Variants in RASAL2 observed in about 807,000 individuals in gnomAD.
RASAL2 encodes the protein ras GTPase-activating protein nGAP.
In RASAL2, 58 loss-of-function variants were observed where a neutral mutation model predicts 128.9. That is an observed-to-expected ratio of 0.45 (90% CI 0.36 to 0.56). The LOEUF is 0.56. Among genes scored for constraint, RASAL2 ranks in the 20% least tolerant of loss-of-function variants. The pLI is 0.00. For synonymous variants in RASAL2, 561 were observed against 580.8 expected, an observed-to-expected ratio of 0.97 and a Z score of 0.49; for missense variants, 1,360 against 1,601.6, an observed-to-expected ratio of 0.85 and a Z score of 2.57.
chr1:178,328,745 C>G (rs1440608274), intron 3 of RASAL2, among the ~76,000 whole-genome samples: 1 of 152,080 alleles, frequency 6.6e-6, no homozygotes, highest in Non-Finnish European at 1.5e-5. Context: ...AGTACTGATG[C>G]CAAATAAGTG....
chr1:178,428,687 T>C (rs970547150), intron 5 of RASAL2, among the ~76,000 whole-genome samples: 35 of 152,000 alleles, frequency 2.3e-4, no homozygotes, highest in Non-Finnish European at 3.7e-4. Context: ...ACTCCTGGGC[T>C]CAAGTAATCC....
intron 1 of RASAL2, among the ~76,000 whole-genome samples, chr1:178,102,774 CTCTT>C (rs1658951786): frequency 6.6e-6 from 1 of 152,108 alleles, no homozygotes; most frequent in African/African-American, 2.4e-5. Context: ...CATGAGCTCT[CTCTT>C]ACTCTTCCTC....
intron 1 of RASAL2, among the ~76,000 whole-genome samples, chr1:178,131,862 A>G (rs2102305598): frequency 6.6e-6 from 1 of 152,326 alleles, no homozygotes; most frequent in Admixed American, 6.5e-5. Context: ...TATAAAAGTA[A>G]CAATTACATG....
At chr1:178,137,090 T>TA (rs1324923498) in intron 1 of RASAL2, among the ~76,000 whole-genome samples, 1 of 152,238 alleles carries the variant, frequency 6.6e-6, no homozygotes, top group Non-Finnish European at 1.5e-5. Flanking sequence ...ACAAGGGCTA[T>TA]AATTCTGCTT....
chr1:178,428,582 T>G (rs917690001), intron 5 of RASAL2, among the ~76,000 whole-genome samples: 1 of 151,608 alleles, frequency 6.6e-6, no homozygotes, highest in African/African-American at 2.4e-5. Context: ...ATTCTACATA[T>G]ATATTGAATA....
At chr1:178,106,448 G>C (rs1468782445) in intron 1 of RASAL2, among the ~76,000 whole-genome samples, 1 of 152,170 alleles carries the variant, frequency 6.6e-6, no homozygotes, top group Non-Finnish European at 1.5e-5. Flanking sequence ...TTCCTATTTT[G>C]AAATGGCTGC....
At chr1:178,419,578 C>T (rs540383516) in intron 4 of RASAL2, among the ~76,000 whole-genome samples, 8 of 152,240 alleles carry the variant, frequency 5.3e-5, no homozygotes, top group South Asian at 4.1e-4. Flanking sequence ...CATGAGCTAC[C>T]GTGTCTGACT....
chr1:178,265,274 G>C (rs12034044), intron 1 of RASAL2, among the ~76,000 whole-genome samples: 3 of 151,596 alleles, frequency 2.0e-5, no homozygotes, highest in Non-Finnish European at 4.4e-5. Context: ...TTTGGTTTTT[G>C]TTGAGACAGA....
At chr1:178,104,265 A>T (rs1659010911) in intron 1 of RASAL2, among the ~76,000 whole-genome samples, 1 of 152,092 alleles carries the variant, frequency 6.6e-6, no homozygotes, top group African/African-American at 2.4e-5. Context: ...AGACTTCTTT[A>T]TTCTATACAA....
chr1:178,094,602 T>A lies in RASAL2; in HGVS notation c.110T>A (p.Val37Asp). The stretch of plus-strand genomic sequence containing the variant: ...CTGCCCCCGGAGGACCTGGACGCGG[T>A]TGTCCCAGTCAGTGGAGCCGTCGCC... ...SPLPPEDLDA[V>D]VPVSGAVAGG... The change falls in exon 1 of 18, where the codon GTT becomes GAT. Residue 37 changes from valine to aspartate, a missense_variant. This residue lies in a region of RASAL2 where 617 missense variants were observed against 714.2 expected (regional missense o/e 0.86). Coordinates refer to ENST00000367649, the MANE Select transcript of RASAL2 (RefSeq NM_170692.4). 6.2e-7 allele frequency: 1 copy of A among 1,612,438 alleles called. No individual in the cohort carries two copies. The highest frequency in any genetic ancestry group is 8.5e-7 in the Non-Finnish European group (1 of 1,179,440).
chr1:178,261,398 C>CA (rs1665687608), intron 1 of RASAL2, among the ~76,000 whole-genome samples: 1 of 152,144 alleles, frequency 6.6e-6, no homozygotes. Context: ...TAAAGACATA[C>CA]AACCTTTTTG....
chr1:178,217,632 T>C (rs988296814), intron 1 of RASAL2, among the ~76,000 whole-genome samples: 4 of 152,224 alleles, frequency 2.6e-5, no homozygotes, highest in African/African-American at 9.6e-5. Flanking sequence ...TTGTGCATTA[T>C]GTCTAAAAAA....
rs1399730416 is a variant in RASAL2 at position 178,457,623 on chromosome 1, G to A, written c.2391-60G>A. ...GAGGAGTTCATATGCCTGAATTGAG[G>A]CATCTTAGCCATGTTGAAGTTGTCT... On this transcript the variant is annotated intron_variant, in intron 13 of 17. Transcript: ENST00000367649. The A allele has an allele frequency of 1.9e-6, 3 of 1,547,168 alleles. No homozygotes were observed. In the African/African-American group the frequency reaches 4.1e-5, roughly 21 times the overall value.
chr1:178,408,612 G>GT (rs756656921), intron 4 of RASAL2, among the ~76,000 whole-genome samples: 3,464 of 140,864 alleles, frequency 0.025, 189 homozygotes, highest in African/African-American at 0.095. Context: ...GTTTTTTTTT[G>GT]TTTTTTGTTT....
intron 1 of RASAL2, among the ~76,000 whole-genome samples, chr1:178,144,395 T>C (rs1017786031): frequency 6.6e-6 from 1 of 152,244 alleles, no homozygotes; most frequent in Non-Finnish European, 1.5e-5. Flanking sequence ...TTCTGTTTCA[T>C]TTACAGCTCT....
intron 1 of RASAL2, among the ~76,000 whole-genome samples, chr1:178,213,091 A>T (rs751723850): frequency 6.6e-6 from 1 of 152,164 alleles, no homozygotes; most frequent in African/African-American, 2.4e-5. Context: ...GCTGGAGTGC[A>T]GTGGTGTGAT....
chr1:178,403,854 T>C (rs1206113815), intron 4 of RASAL2, among the ~76,000 whole-genome samples: 3 of 152,092 alleles, frequency 2.0e-5, no homozygotes, highest in Non-Finnish European at 4.4e-5. Context: ...TTTTTAATAA[T>C]TGCGTGACAA....
chr1:178,441,407 T>C, intron 6 of RASAL2, 142 bp from the exon 7 acceptor site: 1 of 575,252 alleles, frequency 1.7e-6, no homozygotes, highest in Middle Eastern at 2.9e-4. Flanking sequence ...GACCATGTTT[T>C]TCTTATCTAT....
chr1:178,451,126 C>T (rs1053430471), intron 9 of RASAL2, among the ~76,000 whole-genome samples: 5 of 152,168 alleles, frequency 3.3e-5, no homozygotes, highest in Non-Finnish European at 7.4e-5. Context: ...TTACTTGCAT[C>T]CGTGTTTGGC....
Sources: allele counts gnomAD v4.1 joint callset (sites outside exome capture counted in the v4.1 genomes callset), GRCh38; gene constraint gnomAD v4.1.1; regional missense constraint gnomAD v4.1.1; transcripts MANE v1.5; gene names NCBI Gene and HGNC (gene_info 2026-07-23, HGNC 2026-07-21).